The following PRKCE variants were observed in gnomAD, a reference collection of about 807,000 sequenced individuals.
The protein encoded by PRKCE is protein kinase C epsilon type.
PRKCE carries 16 observed loss-of-function variants against 85.4 expected under a neutral mutation model. The ratio of observed to expected loss-of-function variants is 0.19; its 90% confidence interval spans 0.13 to 0.28. The LOEUF is 0.28. Among genes scored for constraint, PRKCE ranks in the 10% least tolerant of loss-of-function variants. The pLI is 1.00. For missense variants in PRKCE, 573 were observed against 975.2 expected (o/e 0.59, Z 5.49); for synonymous variants, 388 against 371.5 (o/e 1.04, Z -0.51).
intron 2 of PRKCE, among the ~76,000 whole-genome samples, chr2:45,917,113 T>A (rs999439753): frequency 2.0e-5 from 3 of 152,166 alleles, no homozygotes; most frequent in Non-Finnish European, 2.9e-5. Context: ...CCCACCCACA[T>A]CCTGCTGATT....
At chr2:45,844,974 T>C (rs1558742710) in intron 2 of PRKCE, among the ~76,000 whole-genome samples, 2 of 152,166 alleles carry the variant, frequency 1.3e-5, no homozygotes, top group Admixed American at 6.5e-5. Flanking sequence ...CTAAAGAAAA[T>C]AGAGTTTACT....
chr2:45,806,375 C>T (rs972379012), intron 1 of PRKCE, among the ~76,000 whole-genome samples: 39 of 152,186 alleles, frequency 2.6e-4, no homozygotes, highest in African/African-American at 9.2e-4. Flanking sequence ...TCTTCTTTCA[C>T]TTGATTCATT....
intron 1 of PRKCE, among the ~76,000 whole-genome samples, chr2:45,822,049 C>T (rs374621990): frequency 1.3e-5 from 2 of 152,284 alleles, no homozygotes; most frequent in East Asian, 3.9e-4. Context: ...GCTGAAGGGC[C>T]TGGGAGAGCA....
rs138081849 is a variant in PRKCE at position 45,983,880 on chromosome 2, C to T, written c.694-671C>T. Among the ~76,000 whole-genome samples, 5 of 152,116 alleles carry T rather than the reference C, an allele frequency of 3.3e-5. No individual in the cohort carries two copies. The East Asian group carries it at 7.7e-4, about 24-fold the overall frequency. On this transcript the variant is annotated intron_variant, in intron 5 of 14. Coordinates refer to ENST00000306156, the MANE Select transcript of PRKCE (RefSeq NM_005400.3). Reference sequence around the variant, plus strand: ...GAATCCCGTGTCCACCATTGAGCTTCCTAGAGACTTTTTGCCTAGGTGGGG... The same window carrying T: ...GAATCCCGTGTCCACCATTGAGCTTTCTAGAGACTTTTTGCCTAGGTGGGG...
intron 11 of PRKCE, among the ~76,000 whole-genome samples, chr2:46,137,340 A>C (rs1257068597): frequency 6.6e-6 from 1 of 152,238 alleles, no homozygotes; most frequent in Non-Finnish European, 1.5e-5. Context: ...ACAACTTCTT[A>C]TACATAAATT....
At chr2:45,947,220 A>T (rs546985652) in intron 2 of PRKCE, among the ~76,000 whole-genome samples, 1 of 152,370 alleles carries the variant, frequency 6.6e-6, no homozygotes, top group Admixed American at 6.5e-5. Context: ...CAGTTGCAAA[A>T]GACCACATAT....
intron 5 of PRKCE, among the ~76,000 whole-genome samples, chr2:45,981,766 A>G (rs1379844085): frequency 6.6e-6 from 1 of 152,150 alleles, no homozygotes; most frequent in African/African-American, 2.4e-5. Flanking sequence ...TATGTCCTGT[A>G]TGACAGGCGT....
chr2:45,885,335 C>T (rs1695214010), intron 2 of PRKCE, among the ~76,000 whole-genome samples: 1 of 151,772 alleles, frequency 6.6e-6, no homozygotes. Flanking sequence ...ACAAAGCTTC[C>T]TTTTTTTTAT....
intron 2 of PRKCE, among the ~76,000 whole-genome samples, chr2:45,921,476 T>C (rs1698243856): frequency 6.6e-6 from 1 of 152,264 alleles, no homozygotes; most frequent in Non-Finnish European, 1.5e-5. Flanking sequence ...TATTAGCTTA[T>C]TTGTTCCTCA....
intron 1 of PRKCE, among the ~76,000 whole-genome samples, chr2:45,802,559 T>C (rs1367909978): frequency 6.6e-6 from 1 of 152,232 alleles, no homozygotes; most frequent in Non-Finnish European, 1.5e-5. Context: ...CTCTGTCTTC[T>C]GGTGTAATCT....
At chr2:45,875,486 G>C (rs1272256220) in intron 2 of PRKCE, among the ~76,000 whole-genome samples, 1 of 152,334 alleles carries the variant, frequency 6.6e-6, no homozygotes, top group Non-Finnish European at 1.5e-5. Flanking sequence ...GGGTCTGGAG[G>C]CTTTAACAGA....
In PRKCE at chr2:45,713,915, C is replaced by A. The variant is rs552499850; in HGVS notation, c.348+61467C>A. On this transcript the variant is annotated intron_variant, in intron 1 of 14. Transcript: ENST00000306156. The stretch of plus-strand genomic sequence containing the variant: ...ATTCTATAAAGCATTGGTTTGCAAA[C>A]TTTTGCATTTCTTGAGACAGTAAAA... Among the ~76,000 whole-genome samples the A allele has an allele frequency of 6.6e-5, 10 of 152,316 alleles. No individual in the cohort carries two copies. In the South Asian group the frequency reaches 2.1e-3, roughly 32 times the overall value.
intron 10 of PRKCE, among the ~76,000 whole-genome samples, chr2:46,045,100 C>T (rs1018530070): frequency 1.3e-5 from 2 of 152,176 alleles, no homozygotes; most frequent in African/African-American, 4.8e-5. Flanking sequence ...TGTAGTGTGT[C>T]TCCATGGGCA....
intron 2 of PRKCE, among the ~76,000 whole-genome samples, chr2:45,929,506 C>G (rs1232713355): frequency 1.3e-5 from 2 of 152,054 alleles, no homozygotes; most frequent in African/African-American, 2.4e-5. Flanking sequence ...ATGCAGGAAA[C>G]TGTTGCCCCT....
intron 12 of PRKCE, among the ~76,000 whole-genome samples, chr2:46,150,102 A>G (rs1162501271): frequency 6.6e-6 from 1 of 152,104 alleles, no homozygotes; most frequent in Non-Finnish European, 1.5e-5. Flanking sequence ...CTCCCACCTC[A>G]GCCTCCCAAA....
chr2:45,914,381 C>A (rs573716165), intron 2 of PRKCE, among the ~76,000 whole-genome samples: 1 of 152,294 alleles, frequency 6.6e-6, no homozygotes, highest in African/African-American at 2.4e-5. Flanking sequence ...TGTGTCTCAA[C>A]GATGTGTGGT....
intron 1 of PRKCE, among the ~76,000 whole-genome samples, chr2:45,833,459 T>C (rs1420001428): frequency 1.3e-5 from 2 of 152,176 alleles, no homozygotes; most frequent in Non-Finnish European, 2.9e-5. Flanking sequence ...ATAGCAATCA[T>C]AATGACCTGG....
At chr2:45,804,942 C>T (rs1688130845) in intron 1 of PRKCE, among the ~76,000 whole-genome samples, 1 of 119,822 alleles carries the variant, frequency 8.3e-6, no homozygotes, top group African/African-American at 3.1e-5. Context: ...CTAAACTCAT[C>T]AACTTTTTTT....
intron 10 of PRKCE, among the ~76,000 whole-genome samples, chr2:46,025,892 C>A (rs905325742): frequency 2.0e-5 from 3 of 152,164 alleles, no homozygotes; most frequent in Non-Finnish European, 4.4e-5. Context: ...TCTGGGAGGG[C>A]AAACTGACCC....
Sources: allele counts gnomAD v4.1 joint callset (sites outside exome capture counted in the v4.1 genomes callset), GRCh38; gene constraint gnomAD v4.1.1; transcripts MANE v1.5; gene names NCBI Gene and HGNC (gene_info 2026-07-23, HGNC 2026-07-21).